PRDM16: variants seen among roughly 807,000 people sequenced by gnomAD.
The protein encoded by PRDM16 is PR/SET domain 16.
PRDM16 carries 23 observed loss-of-function variants against 110.6 expected under a neutral mutation model. The observed-to-expected ratio is 0.21, with a 90% CI of 0.15 to 0.29. PRDM16 has a LOEUF of 0.29. PRDM16 is among the 10% of genes least tolerant of loss of function. The pLI is 1.00. For synonymous variants in PRDM16, 799 were observed against 781.8 expected, an observed-to-expected ratio of 1.02 and a Z score of -0.37; for missense variants, 1,615 against 1,794.3, an observed-to-expected ratio of 0.90 and a Z score of 1.81.
chr1:3,131,636 T>C (rs1643336907), intron 1 of PRDM16, among the ~76,000 whole-genome samples: 1 of 152,258 alleles, frequency 6.6e-6, no homozygotes, highest in South Asian at 2.1e-4. Context: ...GCAAAATTTT[T>C]GCATGCCATT....
chr1:3,365,855 T>C (rs1251775801), intron 3 of PRDM16, among the ~76,000 whole-genome samples: 1 of 152,178 alleles, frequency 6.6e-6, no homozygotes, highest in East Asian at 1.9e-4. Context: ...GGGACGACTT[T>C]GAAGGCTGTC....
intron 1 of PRDM16, among the ~76,000 whole-genome samples, chr1:3,112,691 C>T (rs1259193171): frequency 6.6e-6 from 1 of 152,248 alleles, no homozygotes; most frequent in Non-Finnish European, 1.5e-5. Context: ...TTCCCACTTG[C>T]GTGGACCACC....
rs1467875189 is a variant in PRDM16, at chr1:3,244,330, G to A, written c.438+193G>A. On this transcript the variant is annotated intron_variant, in intron 3 of 16. Coordinates refer to ENST00000270722, the MANE Select transcript of PRDM16 (RefSeq NM_022114.4). This position sits in a 1 kb window ranked among gnomAD's most constrained non-coding sequence, Gnocchi z 4.1. Reference sequence around the variant, plus strand: ...GCTTTGCTGTCATTAGGAGGGATGGGGAGGTGGGGGTCATGTCGCCGTAGG... The same window carrying A: ...GCTTTGCTGTCATTAGGAGGGATGGAGAGGTGGGGGTCATGTCGCCGTAGG... 6.6e-6 allele frequency among the ~76,000 whole-genome samples: 1 copy of A among 152,132 alleles called. No individual in the cohort carries two copies. The highest frequency in any genetic ancestry group is 1.5e-5 in the Non-Finnish European group (1 of 68,028).
chr1:3,128,416 C>A (rs894817929), intron 1 of PRDM16, among the ~76,000 whole-genome samples: 1 of 152,208 alleles, frequency 6.6e-6, no homozygotes, highest in Non-Finnish European at 1.5e-5. Context: ...CTGATCACGA[C>A]ATCCCATGCA....
chr1:3,372,846 G>A (rs192562758), intron 3 of PRDM16, among the ~76,000 whole-genome samples: 54 of 152,186 alleles, frequency 3.5e-4, no homozygotes, highest in Non-Finnish European at 6.8e-4. Flanking sequence ...TCAGGGCCAC[G>A]GACGGGGTTC....
intron 1 of PRDM16, among the ~76,000 whole-genome samples, chr1:3,109,670 C>T (rs1569573558): frequency 6.6e-6 from 1 of 152,182 alleles, no homozygotes; most frequent in Non-Finnish European, 1.5e-5. Flanking sequence ...AAGTCCATCC[C>T]GGGGAGTGTG....
Position 3,081,959 on chromosome 1 carries a change from G to A in PRDM16, c.37+12663G>A, listed in dbSNP as rs1053588428. The stretch of plus-strand genomic sequence containing the variant: ...TGAAGCCACAGTGTGCCAAGGCAGC[G>A]GCAAAGCCCCCGTGAGCACCAACCC... On this transcript the variant is annotated intron_variant, in intron 1 of 16. Coordinates refer to ENST00000270722, the MANE Select transcript of PRDM16 (RefSeq NM_022114.4). The surrounding 1 kb of genome is among the most constrained non-coding windows in gnomAD (Gnocchi z 4.6). 3.9e-5 allele frequency among the ~76,000 whole-genome samples: 6 copies of A among 152,190 alleles called. No homozygotes were observed. The highest frequency in any genetic ancestry group is 7.3e-5 in the Non-Finnish European group (5 of 68,046).
chr1:3,378,781 T>G (rs952182753), intron 3 of PRDM16, among the ~76,000 whole-genome samples: 3 of 152,050 alleles, frequency 2.0e-5, no homozygotes, highest in African/African-American at 7.3e-5. Flanking sequence ...AAGCCAGGCC[T>G]GAGCCTCCAC....
intron 3 of PRDM16, among the ~76,000 whole-genome samples, chr1:3,354,601 T>A (rs1642557076): frequency 6.6e-6 from 1 of 152,030 alleles, no homozygotes; most frequent in Admixed American, 6.6e-5. Context: ...CCATGGGAGC[T>A]CAGAACCACC....
intron 2 of PRDM16, among the ~76,000 whole-genome samples, chr1:3,240,056 A>AGAGGAGAGGAGAGG (rs1220138751): frequency 4.4e-4 from 45 of 103,406 alleles, no homozygotes; most frequent in African/African-American, 1.6e-3. Context: ...AGGAGAGGAG[A>AGAGGAGAGGAGAGG]AGAGGAGAGG....
intron 1 of PRDM16, among the ~76,000 whole-genome samples, chr1:3,126,284 C>T (rs905349366): frequency 2.6e-5 from 4 of 152,180 alleles, no homozygotes; most frequent in African/African-American, 4.8e-5. Flanking sequence ...GGAACAGTGT[C>T]GGCCAGTCTG....
In PRDM16 at chr1:3,081,282, C is replaced by A. The variant is rs1284087375; in HGVS notation, c.37+11986C>A. Reference sequence around the variant, plus strand: ...GTACCCCGAGTCCCCCGTGCTGGCACCTGATAAGGGGTCATTCTGTGCTCT... The same window carrying A: ...GTACCCCGAGTCCCCCGTGCTGGCAACTGATAAGGGGTCATTCTGTGCTCT... On this transcript the variant is annotated intron_variant, in intron 1 of 16. Coordinates refer to ENST00000270722, the MANE Select transcript of PRDM16 (RefSeq NM_022114.4). The surrounding 1 kb of genome is among the most constrained non-coding windows in gnomAD (Gnocchi z 4.6). Among the ~76,000 whole-genome samples, 1 of 152,232 alleles carries A rather than the reference C, an allele frequency of 6.6e-6. No homozygotes were observed. The highest frequency in any genetic ancestry group is 1.5e-5 in the Non-Finnish European group (1 of 68,052).
In PRDM16 at chr1:3,381,161, C is replaced by A. The variant is rs557310014; in HGVS notation, c.439-3991C>A. On this transcript the variant is annotated intron_variant, in intron 3 of 16. Coordinates refer to ENST00000270722, the MANE Select transcript of PRDM16 (RefSeq NM_022114.4). ...CCCAGGACAAGCACACATACATGAA[C>A]GCACACACATACATACATGCACAGG... 2.0e-5 allele frequency among the ~76,000 whole-genome samples: 3 copies of A among 152,324 alleles called. No homozygotes were observed. In the East Asian group the frequency reaches 5.8e-4, roughly 29 times the overall value.
chr1:3,411,460 G>T lies in PRDM16; in HGVS notation c.1263G>T (p.Thr421=), dbSNP rs925658892. The change falls in exon 9 of 17, where the codon ACG becomes ACT. Residue 421 remains threonine, a synonymous_variant. Coordinates refer to ENST00000270722, the MANE Select transcript of PRDM16 (RefSeq NM_022114.4). The part of the protein sequence containing the change: ...RHKRMHADCR[T]QIKCKDCGQM... ...AGCGGATGCACGCCGACTGCCGCAC[G>T]CAGATCAAGTGCAAGGACTGTGGCC... is the stretch of plus-strand genomic sequence containing the variant. The T allele has an allele frequency of 2.5e-6, 4 of 1,614,066 alleles. No homozygotes were observed. The highest frequency in any genetic ancestry group is 3.4e-6 in the Non-Finnish European group (4 of 1,180,048).
At chr1:3,307,645 A>G (rs1423593300) in intron 3 of PRDM16, 1 of 152,138 alleles carries the variant, frequency 6.6e-6, no homozygotes, top group Non-Finnish European at 1.5e-5. Context: ...GCCTGCTTCC[A>G]CGATATTTGT....
At position 3,414,622 on chromosome 1, in the gene PRDM16, C is replaced by A. The variant is rs201814961; in HGVS notation, c.2666C>A (p.Pro889Gln). Residue 889 changes from proline (P) to glutamine (Q), a missense_variant, in exon 10 of 17, where the codon CCG becomes CAG. This residue lies in a region of PRDM16 where 772 missense variants were observed against 748.3 expected (regional missense o/e 1.03). Coordinates refer to ENST00000270722, the MANE Select transcript of PRDM16 (RefSeq NM_022114.4). Reference protein sequence around the residue: ...VGALKEKYLRPSPLLFHPQMS... With the variant: ...VGALKEKYLRQSPLLFHPQMS... ...GCCCTGAAGGAGAAGTACCTGCGGCCGTCCCCGCTGCTCTTCCACCCCCAG... is the reference window on the plus strand; with the variant it reads ...GCCCTGAAGGAGAAGTACCTGCGGCAGTCCCCGCTGCTCTTCCACCCCCAG... 5 of 1,613,264 alleles carry A rather than the reference C, an allele frequency of 3.1e-6. No homozygotes were observed. In the South Asian group the frequency reaches 5.5e-5, roughly 18 times the overall value.
chr1:3,405,635 G>C lies in PRDM16; in HGVS notation c.1173G>C (p.Val391=), dbSNP rs1231302631. 6.3e-7 allele frequency: 1 copy of C among 1,597,526 alleles called. No homozygotes were observed. The highest frequency in any genetic ancestry group is 8.5e-7 in the Non-Finnish European group (1 of 1,172,244). Residue 391 remains valine, a synonymous_variant, in exon 8 of 17, where the codon GTG becomes GTC. Coordinates refer to ENST00000270722, the MANE Select transcript of PRDM16 (RefSeq NM_022114.4). ...LKQHKHIHST[V]KPFICEVCHK... is the part of the protein sequence containing the mutation. ...AGCACAAGCATATCCACAGCACGGT[G>C]AAGCCTTTCATATGTGAGTGGTCGC... is the stretch of plus-strand genomic sequence containing the variant.
intron 1 of PRDM16, among the ~76,000 whole-genome samples, chr1:3,095,863 C>T (rs562960631): frequency 1.1e-4 from 16 of 152,202 alleles, no homozygotes; most frequent in African/African-American, 2.4e-4. Context: ...GCTCACTGTG[C>T]GGGTCCTCAT....
chr1:3,335,913 C>A (rs923300876), intron 3 of PRDM16, among the ~76,000 whole-genome samples: 3 of 152,234 alleles, frequency 2.0e-5, no homozygotes, highest in African/African-American at 4.8e-5. Context: ...CCATGACCAG[C>A]CCAGCCCTGC....
Sources: gnomAD v4.1 joint callset for allele counts (sites outside exome capture counted in the v4.1 genomes callset) on GRCh38, gnomAD v4.1.1 for gene constraint, gnomAD v4.1.1 regional missense constraint, Gnocchi (gnomAD v3.1) non-coding constraint, MANE v1.5 for transcripts, NCBI Gene and HGNC (gene_info 2026-07-23, HGNC 2026-07-21) for gene names.